Variants in CCDC88A observed in about 807,000 individuals in gnomAD.
CCDC88A encodes the protein girdin.
Under a neutral mutation model 234.3 loss-of-function variants are expected in CCDC88A, and 54 were observed. The observed-to-expected ratio is 0.23, with a 90% confidence interval of 0.19 to 0.29. The LOEUF (loss-of-function observed/expected upper bound fraction) is 0.29. Among genes scored for constraint, CCDC88A ranks in the 10% least tolerant of loss-of-function variants. The probability of loss-of-function intolerance (pLI) is 1.00; values close to 1 mark genes in which losing one functional copy is unlikely to be tolerated. For synonymous variants in CCDC88A, 753 were observed against 737.8 expected (o/e 1.02, Z -0.33); for missense variants, 1,832 against 2,123.4 (o/e 0.86, Z 2.70).
At chr2:55,315,221 C>G (rs1682840144) in intron 22 of CCDC88A, 1 of 152,222 alleles carries the variant, frequency 6.6e-6, no homozygotes, top group South Asian at 2.1e-4. Context: ...TGTTCCAAAT[C>G]AAGTCAGTTT....
At chr2:55,381,884 T>C (rs1217402005) in intron 3 of CCDC88A, among the ~76,000 whole-genome samples, 9 of 152,210 alleles carry the variant, frequency 5.9e-5, no homozygotes, top group African/African-American at 1.7e-4. Flanking sequence ...CAAAGAATTC[T>C]AAAATACACA....
intron 31 of CCDC88A, 135 bp from the exon 32 acceptor site, chr2:55,291,910 T>C (rs1679483653): frequency 1.8e-6 from 1 of 556,796 alleles, no homozygotes; most frequent in Non-Finnish European, 3.2e-6. Context: ...ATTAATCTCA[T>C]AGGCATCTCA....
rs1679308423 is a variant in CCDC88A at position 55,289,734 on chromosome 2, G to A, written c.*1466C>T. 1 of 150,258 alleles carries A rather than the reference G, an allele frequency of 6.7e-6. No individual in the cohort carries two copies. Among genetic ancestry groups the A allele is most frequent in the South Asian group, 2.1e-4 (1 of 4,746 alleles). The allele number at this position is 150,258 out of a possible 1,614,324, so 9.3% of individuals were successfully genotyped here. A position where few individuals can be genotyped will look rare whatever the true frequency, so the allele number is the denominator to read the frequency against. ...GAAATTAGACTGTGAACACAACATT[G>A]CTACTGGCCTACGAAAGAGAGAGAG... On this transcript the variant is annotated 3_prime_UTR_variant, in exon 33 of 33. Coordinates refer to ENST00000436346, the MANE Select transcript of CCDC88A (RefSeq NM_001365480.1).
At chr2:55,415,249 A>G (rs562691478) in intron 2 of CCDC88A, among the ~76,000 whole-genome samples, 1 of 152,220 alleles carries the variant, frequency 6.6e-6, no homozygotes, top group South Asian at 2.1e-4. Flanking sequence ...CAGGAGTTTG[A>G]GGCCATAATG....
chr2:55,349,263 G>GA, intron 9 of CCDC88A: 2 of 400,182 alleles, frequency 5.0e-6, no homozygotes, highest in Non-Finnish European at 8.8e-6. Flanking sequence ...ACATCAAAAA[G>GA]AAAAATGTGG....
At chr2:55,299,505 C>G (rs985345986) in intron 29 of CCDC88A, among the ~76,000 whole-genome samples, 7 of 151,812 alleles carry the variant, frequency 4.6e-5, no homozygotes, top group African/African-American at 1.7e-4. Context: ...AGTGTCCATG[C>G]GTCATAAGAA....
At chr2:55,340,307 G>C (rs913672707) in intron 12 of CCDC88A, 1 of 152,198 alleles carries the variant, frequency 6.6e-6, no homozygotes, top group African/African-American at 2.4e-5. Context: ...GTACTGGAGA[G>C]AATTTCCGGG....
At chr2:55,376,382 TATG>T (rs1339583736) in intron 3 of CCDC88A, among the ~76,000 whole-genome samples, 1 of 152,204 alleles carries the variant, frequency 6.6e-6, no homozygotes, top group Non-Finnish European at 1.5e-5. Context: ...AACTTAATAC[TATG>T]ATGAGAAAGC....
Position 55,372,476 on chromosome 2 carries a change from TA to T in CCDC88A, c.377del (p.Leu126TyrfsTer23). On this transcript the variant is annotated frameshift_variant, in exon 5 of 33. Transcript: ENST00000436346. LOFTEE classifies it high-confidence loss of function. Reference protein sequence around the residue: ...QGTEEVKKLLLLLLGCAVQCQ... With the variant: ...QGTEEVKKLLXLLLGCAVQCQ... ...CCTGAACTGCACAACCCAATAAAAG[TA>T]AAAGCAGTTTTTTAACTTCTTCTGT... 1 of 1,526,486 alleles carries T rather than the reference TA, an allele frequency of 6.6e-7. No homozygotes were observed. Among genetic ancestry groups the T allele is most frequent in the Non-Finnish European group, 9.0e-7 (1 of 1,106,344 alleles). The allele number at this position is 1,526,486 out of a possible 1,614,324, so 94.6% of individuals were successfully genotyped here. A position where few individuals can be genotyped will look rare whatever the true frequency, so the allele number is the denominator to read the frequency against.
Position 55,335,143 on chromosome 2 carries a change from T to G in CCDC88A, c.1678A>C (p.Asn560His). The G allele has an allele frequency of 6.5e-7, 1 of 1,538,424 alleles. No individual in the cohort carries two copies. The highest frequency in any genetic ancestry group is 8.7e-7 in the Non-Finnish European group (1 of 1,147,856). Residue 560 changes from asparagine (N) to histidine (H), a missense_variant, in exon 15 of 33, where the codon AAT (asparagine) becomes CAT (histidine). Physicochemically the swap from Asn to His is moderately conservative, Grantham distance 68. Around this residue, in one of 6 missense-constraint regions of CCDC88A, gnomAD observed 1,282 missense variants for 1,543.6 expected, o/e 0.83. Transcript: ENST00000436346. This position sits in a 1 kb window ranked among gnomAD's most constrained non-coding sequence, Gnocchi z 4.5. The stretch of plus-strand genomic sequence containing the variant: ...GACACTGTTTGATTCAGATGTTCAT[T>G]TTCCTGTTCCAGTATCTTAATCTAA... ...ERQIKILEQE[N>H]EHLNQTVSSL...
chr2:55,394,207 C>G (rs1677142160), intron 2 of CCDC88A: 1 of 152,162 alleles, frequency 6.6e-6, no homozygotes, highest in Non-Finnish European at 1.5e-5. Flanking sequence ...CGAGAGTTTG[C>G]TGAGAATGAT....
chr2:55,397,656 G>A (rs1399223116), intron 2 of CCDC88A, among the ~76,000 whole-genome samples: 2 of 151,886 alleles, frequency 1.3e-5, no homozygotes, highest in East Asian at 3.9e-4. Context: ...TGACAGAGTT[G>A]TTGTCAAGTT....
intron 13 of CCDC88A, among the ~76,000 whole-genome samples, chr2:55,338,165 C>T (rs1209977543): frequency 6.6e-6 from 1 of 152,168 alleles, no homozygotes; most frequent in Non-Finnish European, 1.5e-5. Context: ...AGAAACTGTA[C>T]TCTACAGGCC....
chr2:55,375,888 T>C (rs759097685), intron 3 of CCDC88A, among the ~76,000 whole-genome samples: 34 of 152,278 alleles, frequency 2.2e-4, no homozygotes, highest in Non-Finnish European at 3.7e-4. Flanking sequence ...ATATTAAAAT[T>C]AAGAAACCTA....
intron 13 of CCDC88A, 70 bp from the exon 14 acceptor site, chr2:55,336,888 CAT>C (rs1293928039): frequency 1.1e-6 from 1 of 946,858 alleles, no homozygotes; most frequent in Admixed American, 2.8e-5. Context: ...CAAAACAAAA[CAT>C]AATCGCTGAA....
chr2:55,346,011 T>A, intron 10 of CCDC88A, 164 bp downstream of exon 10: 2 of 489,278 alleles, frequency 4.1e-6, no homozygotes, highest in Non-Finnish European at 7.1e-6. Context: ...TGTAAAAGTC[T>A]AACTAAAAGC....
intron 5 of CCDC88A, among the ~76,000 whole-genome samples, chr2:55,370,857 A>AAAAATT (rs1248290770): frequency 2.0e-5 from 3 of 151,396 alleles, no homozygotes; most frequent in African/African-American, 4.9e-5. Context: ...AAAAAAAAAA[A>AAAAATT]AAAAATTAAC....
intron 2 of CCDC88A, among the ~76,000 whole-genome samples, chr2:55,393,696 C>T (rs1677074309): frequency 1.3e-5 from 2 of 152,106 alleles, no homozygotes. Flanking sequence ...AAAAAAATCA[C>T]ACCATCAGTA....
In CCDC88A at chr2:55,414,026, C is replaced by A. The variant is rs148897203; in HGVS notation, c.164+4790G>T. Among the ~76,000 whole-genome samples, 367 of 151,910 alleles carry A rather than the reference C, an allele frequency of 2.4e-3. 2 individuals carry two copies. The highest frequency in any genetic ancestry group is 8.1e-3 in the African/African-American group (334 of 41,470). On this transcript the variant is annotated intron_variant, in intron 2 of 32. Transcript: ENST00000436346. ...AAAGGGCAGATGACTTCTGAAGTCCCTTCAAACCCAAAATTCTAAAGGAAA... is the reference window on the plus strand; with the variant it reads ...AAAGGGCAGATGACTTCTGAAGTCCATTCAAACCCAAAATTCTAAAGGAAA...
Sources: allele counts gnomAD v4.1 joint callset (sites outside exome capture counted in the v4.1 genomes callset), GRCh38; gene constraint gnomAD v4.1.1; regional missense constraint gnomAD v4.1.1; non-coding constraint Gnocchi (gnomAD v3.1); transcripts MANE v1.5; gene names NCBI Gene and HGNC (gene_info 2026-07-23, HGNC 2026-07-21).